Variants in GOLPH3 observed in about 807,000 individuals in gnomAD.
The protein encoded by GOLPH3 is golgi phosphoprotein 3, also known as coat protein GPP34.
GOLPH3 carries 14 observed loss-of-function variants against 28.5 expected under a neutral mutation model. The ratio of observed to expected loss-of-function variants is 0.49; its 90% CI spans 0.32 to 0.77. The LOEUF is 0.77. GOLPH3 is among the 30% of genes least tolerant of loss of function. The probability of loss-of-function intolerance (pLI) is 0.03; values close to 1 mark genes in which losing one functional copy is unlikely to be tolerated. For synonymous variants in GOLPH3, 158 were observed against 159.2 expected (o/e 0.99, Z 0.06); for missense variants, 350 against 393.7 (o/e 0.89, Z 0.94).
At chr5:32,136,482 A>AG (rs530540332) in intron 2 of GOLPH3, among the ~76,000 whole-genome samples, 7 of 140,070 alleles carry the variant, frequency 5.0e-5, no homozygotes, top group African/African-American at 1.8e-4. Flanking sequence ...ACTCCGACTT[A>AG]AAAAAAAAAA....
Position 32,125,228 on chromosome 5 carries a change from GACAGAAA to G in GOLPH3, c.*977_*983del, listed in dbSNP as rs1400334534. The G allele has an allele frequency of 3.3e-5, 5 of 152,452 alleles. No homozygotes were observed. Among genetic ancestry groups the G allele is most frequent in the Non-Finnish European group, 7.4e-5 (5 of 68,014 alleles). The allele number at this position is 152,452 out of a possible 1,614,324, so 9.4% of individuals were successfully genotyped here. ...CAGAGCAGATATTAATTTACTTGTG[GACAGAAA>G]AAGAAACTCAAGATTGGTACTGGTC... is the stretch of plus-strand genomic sequence containing the variant. On this transcript the variant is annotated 3_prime_UTR_variant, in exon 4 of 4. Coordinates refer to ENST00000265070, the MANE Select transcript of GOLPH3 (RefSeq NM_022130.4).
At chr5:32,138,716 T>C (rs949296186) in intron 2 of GOLPH3, among the ~76,000 whole-genome samples, 3 of 152,238 alleles carry the variant, frequency 2.0e-5, no homozygotes, top group Non-Finnish European at 1.5e-5. Context: ...ATGTTTTTAC[T>C]AACACCATGT....
At chr5:32,163,548 G>A (rs933073737) in intron 1 of GOLPH3, among the ~76,000 whole-genome samples, 1 of 152,120 alleles carries the variant, frequency 6.6e-6, no homozygotes, top group Non-Finnish European at 1.5e-5. Context: ...CAGCTACTTG[G>A]GAGGCTGAGA....
At chr5:32,138,354 TACA>T (rs1745982645) in intron 2 of GOLPH3, among the ~76,000 whole-genome samples, 1 of 152,160 alleles carries the variant, frequency 6.6e-6, no homozygotes, top group Non-Finnish European at 1.5e-5. Context: ...AAAACCACAG[TACA>T]AGTCACAAAT....
At chr5:32,142,648 TG>T (rs1295264207) in intron 2 of GOLPH3, among the ~76,000 whole-genome samples, 1 of 72,966 alleles carries the variant, frequency 1.4e-5, no homozygotes, top group Non-Finnish European at 2.6e-5. Flanking sequence ...GGGAGGGAGG[TG>T]GGGGGGTCAG....
intron 3 of GOLPH3, among the ~76,000 whole-genome samples, chr5:32,128,344 A>ACCCTAGACATG (rs1383335900): frequency 2.0e-5 from 3 of 152,172 alleles, no homozygotes; most frequent in African/African-American, 7.2e-5. Flanking sequence ...AGTATAGACC[A>ACCCTAGACATG]CCCTAGACAT....
chr5:32,143,897 A>G lies in GOLPH3; in HGVS notation c.226-17T>C, dbSNP rs775922091. ...TGTGTAACCCTATTAAAAAAAGAAGAAGAAATAAAACAAAATAGCTAATTT... is the reference window on the plus strand; with the variant it reads ...TGTGTAACCCTATTAAAAAAAGAAGGAGAAATAAAACAAAATAGCTAATTT... On this transcript the variant is annotated splice_polypyrimidine_tract_variant and intron_variant, in intron 1 of 3. Transcript: ENST00000265070. 3.9e-5 allele frequency: 58 copies of G among 1,478,674 alleles called. No individual in the cohort carries two copies. Among genetic ancestry groups the G allele is most frequent in the Non-Finnish European group, 5.2e-5 (58 of 1,111,168 alleles). The allele number at this position is 1,478,674 out of a possible 1,614,324, so 91.6% of individuals were successfully genotyped here.
At chr5:32,132,137 T>C (rs1275420460) in intron 3 of GOLPH3, among the ~76,000 whole-genome samples, 4 of 152,192 alleles carry the variant, frequency 2.6e-5, no homozygotes, top group Admixed American at 6.5e-5. Flanking sequence ...GCCTGGGTGA[T>C]GGCGAGACTT....
intron 2 of GOLPH3, among the ~76,000 whole-genome samples, chr5:32,142,511 G>A (rs1350695833): frequency 2.7e-5 from 4 of 148,578 alleles, no homozygotes; most frequent in South Asian, 2.1e-4. Context: ...CGCCCCGTCC[G>A]GGAGGTGAGG....
intron 1 of GOLPH3, among the ~76,000 whole-genome samples, chr5:32,162,623 T>G (rs998610419): frequency 2.0e-4 from 30 of 152,174 alleles, no homozygotes; most frequent in Admixed American, 2.0e-4. Context: ...ATGGAAATAT[T>G]AAATACTTGT....
At chr5:32,128,701 A>C (rs1410341421) in intron 3 of GOLPH3, among the ~76,000 whole-genome samples, 1 of 152,078 alleles carries the variant, frequency 6.6e-6, no homozygotes, top group Non-Finnish European at 1.5e-5. Context: ...AAACAAGTTG[A>C]TCCACAAGTA....
At chr5:32,126,867 A>T (rs764211293) in intron 3 of GOLPH3, among the ~76,000 whole-genome samples, 1 of 152,196 alleles carries the variant, frequency 6.6e-6, no homozygotes, top group Non-Finnish European at 1.5e-5. Flanking sequence ...ACTAAACTGC[A>T]AGCAGTCTTC....
At position 32,141,035 on chromosome 5, in the gene GOLPH3, C is replaced by T. The variant is rs566213455; in HGVS notation, c.357+2714G>A. Among the ~76,000 whole-genome samples, 125 of 151,454 alleles carry T rather than the reference C, an allele frequency of 8.3e-4. 1 individual carries two copies. The highest frequency in any genetic ancestry group is 4.3e-3 in the Admixed American group (66 of 15,196). Reference sequence around the variant, plus strand: ...AAAATTAGCTGGGTGTGGCAGCACACGCCTGTAGTACCAGCTACTTGGGAG... The same window carrying T: ...AAAATTAGCTGGGTGTGGCAGCACATGCCTGTAGTACCAGCTACTTGGGAG... On this transcript the variant is annotated intron_variant, in intron 2 of 3. Transcript: ENST00000265070.
chr5:32,157,592 A>G lies in GOLPH3; in HGVS notation c.226-13712T>C, dbSNP rs997252956. Reference sequence around the variant, plus strand: ...GATCAATCCAACTGTCACTTTTTCCATATCTGTACCTGTGTTTCTGAACTG... The same window carrying G: ...GATCAATCCAACTGTCACTTTTTCCGTATCTGTACCTGTGTTTCTGAACTG... On this transcript the variant is annotated intron_variant, in intron 1 of 3. Coordinates refer to ENST00000265070, the MANE Select transcript of GOLPH3 (RefSeq NM_022130.4). 9.2e-5 allele frequency among the ~76,000 whole-genome samples: 14 copies of G among 152,304 alleles called. No homozygotes were observed. In the South Asian group the frequency reaches 2.5e-3, roughly 27 times the overall value.
At chr5:32,134,681 G>A (rs560025326) in intron 3 of GOLPH3, 1 of 152,240 alleles carries the variant, frequency 6.6e-6, no homozygotes, top group Non-Finnish European at 1.5e-5. Flanking sequence ...CTGGGCAACA[G>A]AGTGAGACCC....
intron 1 of GOLPH3, among the ~76,000 whole-genome samples, chr5:32,171,220 G>GGA (rs1746827934): frequency 6.6e-6 from 1 of 152,016 alleles, no homozygotes; most frequent in Admixed American, 6.6e-5. Context: ...GGGCCACACT[G>GGA]GAAGAACTGT....
At chr5:32,157,819 A>C (rs1425277054) in intron 1 of GOLPH3, among the ~76,000 whole-genome samples, 2 of 151,828 alleles carry the variant, frequency 1.3e-5, no homozygotes, top group Admixed American at 6.6e-5. Flanking sequence ...CGCTACTAAA[A>C]ATACAAAATT....
chr5:32,143,879 C>T lies in GOLPH3; in HGVS notation c.227G>A (p.Gly76Asp), dbSNP rs1215056996. ...VLLLGLKDRE[G>D]YTSFWNDCIS... is the part of the protein sequence containing the mutation. Reference sequence around the variant, plus strand: ...ACAGTCATTCCAAAATGATGTGTAACCCTATTAAAAAAAGAAGAAGAAATA... The same window carrying T: ...ACAGTCATTCCAAAATGATGTGTAATCCTATTAAAAAAAGAAGAAGAAATA... The change falls in exon 2 of 4, where the codon GGT (glycine) becomes GAT (aspartate). Residue 76 changes from glycine (G) to aspartate (D), a missense_variant and splice_region_variant. Gly to Asp is a moderately conservative substitution (Grantham distance 94). Transcript: ENST00000265070. 6.6e-7 allele frequency: 1 copy of T among 1,525,118 alleles called. No homozygotes were observed. 94.5% of individuals were successfully genotyped at this position (1,525,118 alleles called of 1,614,324 possible). A position where few individuals can be genotyped will look rare whatever the true frequency, so the allele number is the denominator to read the frequency against.
chr5:32,171,477 G>T lies in GOLPH3; in HGVS notation c.225+2333C>A, dbSNP rs188210158. Among the ~76,000 whole-genome samples, 59 of 150,694 alleles carry T rather than the reference G, an allele frequency of 3.9e-4. 1 individual carries two copies. The highest frequency in any genetic ancestry group is 3.6e-3 in the Admixed American group (54 of 15,190). On this transcript the variant is annotated intron_variant, in intron 1 of 3. Coordinates refer to ENST00000265070, the MANE Select transcript of GOLPH3 (RefSeq NM_022130.4). ...CTCAGTGTGACTCAGAACACCAAAAGCTTATTTTTTAGTTTTTTTTTTTTC... is the reference window on the plus strand; with the variant it reads ...CTCAGTGTGACTCAGAACACCAAAATCTTATTTTTTAGTTTTTTTTTTTTC...
Sources: allele counts gnomAD v4.1 joint callset (sites outside exome capture counted in the v4.1 genomes callset), GRCh38; gene constraint gnomAD v4.1.1; transcripts MANE v1.5; gene names NCBI Gene and HGNC (gene_info 2026-07-23, HGNC 2026-07-21).